The following TBC1D5 variants were observed in gnomAD, a reference collection of about 807,000 sequenced individuals.
TBC1D5 encodes TBC1 domain family member 5.
Under a neutral mutation model 100.3 loss-of-function variants are expected in TBC1D5, and 75 were observed. The observed-to-expected ratio is 0.75, with a 90% CI of 0.62 to 0.91. TBC1D5 has a LOEUF of 0.91. Ranked by LOEUF, TBC1D5 falls within the 40% of genes least tolerant of loss-of-function variation. The probability of loss-of-function intolerance (pLI) is 0.00; values close to 1 mark genes in which losing one functional copy is unlikely to be tolerated. For synonymous variants in TBC1D5, 323 were observed against 325.6 expected (o/e 0.99, Z 0.09); for missense variants, 910 against 942.4 (o/e 0.97, Z 0.45).
At chr3:17,189,262 TG>T (rs1239756838) in intron 18 of TBC1D5, among the ~76,000 whole-genome samples, 1 of 152,252 alleles carries the variant, frequency 6.6e-6, no homozygotes, top group Non-Finnish European at 1.5e-5. Flanking sequence ...TATGATTCAC[TG>T]TTGGAAAACA....
At chr3:17,277,393 A>G (rs1200595870) in intron 15 of TBC1D5, among the ~76,000 whole-genome samples, 2 of 152,260 alleles carry the variant, frequency 1.3e-5, no homozygotes, top group South Asian at 2.1e-4. Context: ...TGGGTGGCAC[A>G]TAGTTCAAGA....
chr3:17,367,649 A>T (rs966467702), intron 13 of TBC1D5, among the ~76,000 whole-genome samples: 3 of 152,168 alleles, frequency 2.0e-5, no homozygotes, highest in Non-Finnish European at 2.9e-5. Context: ...ACTCAAGGTC[A>T]GGAGTTTGAG....
intron 2 of TBC1D5, among the ~76,000 whole-genome samples, chr3:17,534,975 T>C (rs906744950): frequency 6.6e-6 from 1 of 152,208 alleles, no homozygotes; most frequent in Admixed American, 6.5e-5. Flanking sequence ...ATTTCTATTT[T>C]TTATCCAAAT....
At chr3:17,375,751 T>C (rs894530792) in intron 10 of TBC1D5, among the ~76,000 whole-genome samples, 5 of 152,102 alleles carry the variant, frequency 3.3e-5, no homozygotes, top group Admixed American at 1.3e-4. Context: ...AGACAAAAGT[T>C]AATTTAACAA....
At chr3:17,472,170 C>T (rs2095383869) in intron 3 of TBC1D5, among the ~76,000 whole-genome samples, 1 of 147,746 alleles carries the variant, frequency 6.8e-6, no homozygotes, top group Non-Finnish European at 1.5e-5. Context: ...GATGGAGTCT[C>T]ACTCTGTTGC....
intron 15 of TBC1D5, among the ~76,000 whole-genome samples, chr3:17,289,312 A>G (rs542297606): frequency 3.9e-5 from 6 of 152,170 alleles, no homozygotes; most frequent in Admixed American, 3.3e-4. Context: ...GAGTGGATGT[A>G]GTGCCTCCTG....
At chr3:17,304,485 G>A (rs1188169441) in intron 14 of TBC1D5, among the ~76,000 whole-genome samples, 1 of 152,126 alleles carries the variant, frequency 6.6e-6, no homozygotes, top group African/African-American at 2.4e-5. Flanking sequence ...ACGGCTCACT[G>A]CAGCCTTGAC....
At chr3:17,554,838 T>C in intron 2 of TBC1D5, among the ~76,000 whole-genome samples, 1 of 151,966 alleles carries the variant, frequency 6.6e-6, no homozygotes, top group East Asian at 1.9e-4. Flanking sequence ...ATATATTTAA[T>C]ATCTGTGCTT....
intron 17 of TBC1D5, among the ~76,000 whole-genome samples, chr3:17,227,025 A>G (rs994018689): frequency 2.6e-5 from 4 of 152,178 alleles, no homozygotes; most frequent in African/African-American, 9.7e-5. Context: ...GGAAGTATGA[A>G]CATAACAGAA....
At chr3:17,240,979 A>C (rs546845263) in intron 16 of TBC1D5, among the ~76,000 whole-genome samples, 1 of 152,292 alleles carries the variant, frequency 6.6e-6, no homozygotes. Context: ...AGCTCTTAAA[A>C]GGGGATGAGC....
chr3:17,318,380 CAAT>C (rs2084965084), intron 13 of TBC1D5, among the ~76,000 whole-genome samples: 3 of 151,738 alleles, frequency 2.0e-5, no homozygotes, highest in Admixed American at 2.0e-4. Context: ...AGTATAATAA[CAAT>C]AAAATTTAAA....
At chr3:17,584,720 G>A (rs1398654915) in intron 2 of TBC1D5, among the ~76,000 whole-genome samples, 3 of 152,084 alleles carry the variant, frequency 2.0e-5, no homozygotes, top group South Asian at 2.1e-4. Flanking sequence ...GCAGTGGCAC[G>A]ATCTCGGCTC....
chr3:17,474,492 A>G (rs527326884), intron 3 of TBC1D5, among the ~76,000 whole-genome samples: 59 of 152,210 alleles, frequency 3.9e-4, no homozygotes, highest in Non-Finnish European at 7.4e-4. Flanking sequence ...ATTTGAAAGA[A>G]GGAATCAATT....
At chr3:17,532,280 A>G (rs1006748191) in intron 2 of TBC1D5, among the ~76,000 whole-genome samples, 9 of 152,188 alleles carry the variant, frequency 5.9e-5, no homozygotes, top group Non-Finnish European at 4.4e-5. Flanking sequence ...TCAAAACCAC[A>G]ATGAGATACC....
intron 13 of TBC1D5, among the ~76,000 whole-genome samples, chr3:17,344,013 T>C (rs575023939): frequency 1.9e-4 from 29 of 152,312 alleles, no homozygotes; most frequent in African/African-American, 6.3e-4. Flanking sequence ...CTGCTAGCTT[T>C]TGAATGTTTG....
At chr3:17,239,867 A>T (rs905283146) in intron 16 of TBC1D5, among the ~76,000 whole-genome samples, 16 of 152,226 alleles carry the variant, frequency 1.1e-4, no homozygotes, top group Admixed American at 9.8e-4. Context: ...AGGGGAGTCC[A>T]GCTCCATGAC....
chr3:17,214,396 A>C, intron 17 of TBC1D5, 26 bp from the exon 19 acceptor site: 1 of 1,602,734 alleles, frequency 6.2e-7, no homozygotes, highest in Non-Finnish European at 8.5e-7. Context: ...AGTAGCAATA[A>C]TGAAACACCA....
At chr3:17,530,401 A>C (rs1036250455) in intron 2 of TBC1D5, among the ~76,000 whole-genome samples, 3 of 152,166 alleles carry the variant, frequency 2.0e-5, no homozygotes, top group African/African-American at 7.2e-5. Context: ...ATCAGAGCTC[A>C]TTTCTCTCTG....
intron 14 of TBC1D5, among the ~76,000 whole-genome samples, chr3:17,307,277 C>G (rs1297870596): frequency 6.6e-6 from 1 of 152,122 alleles, no homozygotes; most frequent in Admixed American, 6.5e-5. Flanking sequence ...GCACTTTTTC[C>G]TAATTATATT....
Sources: gnomAD v4.1 joint callset for allele counts (sites outside exome capture counted in the v4.1 genomes callset) on GRCh38, gnomAD v4.1.1 for gene constraint, MANE v1.5 for transcripts, NCBI Gene and HGNC (gene_info 2026-07-23, HGNC 2026-07-21) for gene names.